AKT1S1: variants seen among roughly 807,000 people sequenced by gnomAD.
AKT1S1 encodes the protein proline-rich AKT1 substrate 1.
In AKT1S1, 17 loss-of-function variants were observed where a neutral mutation model predicts 21.2. The ratio of observed to expected loss-of-function variants is 0.80; its 90% CI spans 0.55 to 1.20. The LOEUF (loss-of-function observed/expected upper bound fraction) is 1.20. AKT1S1 is among the 50% of genes most tolerant of loss of function. AKT1S1 has a pLI of 0.00. For missense variants in AKT1S1, 366 were observed against 368.3 expected, an observed-to-expected ratio of 0.99 and a Z score of 0.05; for synonymous variants, 181 against 165.6, an observed-to-expected ratio of 1.09 and a Z score of -0.72.
intron 1 of AKT1S1, 51 bp downstream of exon 1, chr19:49,877,186 C>G (rs1424464146): frequency 9.9e-5 from 16 of 161,498 alleles, no homozygotes; most frequent in Non-Finnish European, 1.9e-4. Context: ...ACGGCTTCAT[C>G]CCGTTATCCT....
At chr19:49,878,014 T>C, upstream of AKT1S1, 1 of 822,546 alleles carries the variant, frequency 1.2e-6, no homozygotes, top group Non-Finnish European at 1.9e-6. Context: ...CTCCCCGCCT[T>C]GGTCCCGGGG....
upstream of AKT1S1, chr19:49,877,972 C>T: frequency 1.4e-6 from 1 of 720,946 alleles, no homozygotes; most frequent in Non-Finnish European, 2.2e-6. Context: ...CTGTGGAACG[C>T]ACGTCAGCAT....
At chr19:49,878,061 C>T (rs2074974072), upstream of AKT1S1, 1 of 1,175,336 alleles carries the variant, frequency 8.5e-7, no homozygotes, top group Non-Finnish European at 1.2e-6. Flanking sequence ...GAGGGTGGCT[C>T]CTCCCTGGGC....
chr19:49,876,047 G>A (rs879769965), intron 1 of AKT1S1: 6 of 985,508 alleles, frequency 6.1e-6, no homozygotes, highest in Non-Finnish European at 6.0e-6. Context: ...GCAGGGAGGA[G>A]GGAAAAGAGC....
At chr19:49,878,239 A>G (rs756086406), upstream of AKT1S1, 9 of 1,557,128 alleles carry the variant, frequency 5.8e-6, no homozygotes, top group African/African-American at 4.1e-5. Flanking sequence ...TGTCGTGGAA[A>G]AGGTGCGCTG....
chr19:49,877,801 G>T (rs115654659), upstream of AKT1S1: 3,876 of 1,548,354 alleles, frequency 2.5e-3, 82 homozygotes, highest in African/African-American at 0.044. Context: ...CCCGTCTAGT[G>T]ATCAGCTCTT....
At position 49,870,001 on chromosome 19, in the gene AKT1S1, C is replaced by T. The variant is rs1343861233; in HGVS notation, c.687G>A (p.Glu229=). The T allele has an allele frequency of 1.3e-6, 2 of 1,548,162 alleles. No individual in the cohort carries two copies. The highest frequency in any genetic ancestry group is 3.8e-5 in the Admixed American group (2 of 53,118). The part of the protein sequence containing the change: ...AASMRALVLR[E]AEDTQVFGDL... ...CCCCGAAGACCTGGGTGTCCTCGGC[C>T]TCTCGCAGCACCAGCGCGCGCATGC... Residue 229 remains glutamate (E), a synonymous_variant, in exon 5 of 5, where the codon GAG becomes GAA. Coordinates refer to ENST00000344175, the MANE Select transcript of AKT1S1 (RefSeq NM_001098633.4).
chr19:49,871,399 C>T (rs1025201552), intron 4 of AKT1S1, 148 bp downstream of exon 4: 8 of 1,071,022 alleles, frequency 7.5e-6, no homozygotes, highest in African/African-American at 3.1e-5. Flanking sequence ...CTGCAAGGCT[C>T]GTGTCCAAGA....
At chr19:49,878,310 C>T (rs2074978445), upstream of AKT1S1, 2 of 1,450,200 alleles carry the variant, frequency 1.4e-6, no homozygotes, top group Admixed American at 2.0e-5. Context: ...ATGCAGGCGG[C>T]AGCTGTAGGA....
chr19:49,876,199 C>T (rs2074941462), intron 1 of AKT1S1: 5 of 1,022,008 alleles, frequency 4.9e-6, no homozygotes, highest in Non-Finnish European at 5.9e-6. Context: ...ACCTCCCAAC[C>T]TCGCCCGGGG....
intron 1 of AKT1S1, among the ~76,000 whole-genome samples, chr19:49,875,629 C>T (rs181356842): frequency 1.3e-5 from 2 of 152,280 alleles, no homozygotes; most frequent in Non-Finnish European, 2.9e-5. Flanking sequence ...TAATGACATG[C>T]GGAGAAGAGG....
Position 49,871,598 on chromosome 19 carries a change from GC to G in AKT1S1, c.575del (p.Gly192AlafsTer61). Reference sequence around the variant, plus strand: ...GCGCCTCTGTCCTCTTCTCCTTGAAGCCCCAGACGGGCACAGACACAGGCAG... The same window carrying G: ...GCGCCTCTGTCCTCTTCTCCTTGAAGCCCAGACGGGCACAGACACAGGCAG... ...KSLPVSVPVW[G>X]FKEKRTEARS... On this transcript the variant is annotated frameshift_variant, in exon 4 of 5. Coordinates refer to ENST00000344175, the MANE Select transcript of AKT1S1 (RefSeq NM_001098633.4). LOFTEE classifies it high-confidence loss of function. 1 of 1,614,046 alleles carries G rather than the reference GC, an allele frequency of 6.2e-7. No individual in the cohort carries two copies.
upstream of AKT1S1, chr19:49,877,818 G>T: frequency 6.6e-7 from 1 of 1,507,146 alleles, no homozygotes; most frequent in East Asian, 2.4e-5. Flanking sequence ...TCTTCTCTCA[G>T]GCCTTGGCTC....
Position 49,873,052 on chromosome 19 carries a change from G to C in AKT1S1, c.244C>G (p.Pro82Ala). ...ATAARPPAPP[P>A]APQPPSPTPS... is the part of the protein sequence containing the mutation. ...GTGGGACTGGGTGGCTGTGGTGCTG[G>C]TGGGGGCGCAGGAGGCCGAGCAGCA... Residue 82 changes from proline (P) to alanine (A), a missense_variant, in exon 2 of 5, where the codon CCA becomes GCA. Physicochemically the swap from Pro to Ala is conservative, Grantham distance 27. Coordinates refer to ENST00000344175, the MANE Select transcript of AKT1S1 (RefSeq NM_001098633.4). The surrounding 1 kb of genome is among the most constrained non-coding windows in gnomAD (Gnocchi z 6.9). The C allele has an allele frequency of 6.4e-7, 1 of 1,558,570 alleles. No homozygotes were observed. The highest frequency in any genetic ancestry group is 8.7e-7 in the Non-Finnish European group (1 of 1,152,490).
rs1184300805 is a variant in AKT1S1, at chr19:49,871,898, G to T, written c.380-9C>A. The T allele has an allele frequency of 6.2e-7, 1 of 1,613,304 alleles. No individual in the cohort carries two copies. The highest frequency in any genetic ancestry group is 8.5e-7 in the Non-Finnish European group (1 of 1,179,752). ...ATCCATCACAAAGAGCCCTGTGGATGACCTGAGTTAGAGGCCCAGGCCAGG... is the reference window on the plus strand; with the variant it reads ...ATCCATCACAAAGAGCCCTGTGGATTACCTGAGTTAGAGGCCCAGGCCAGG... On this transcript the variant is annotated splice_polypyrimidine_tract_variant and intron_variant, in intron 2 of 4. Transcript: ENST00000344175.
chr19:49,877,943 A>T (rs951711811), upstream of AKT1S1: 13 of 610,258 alleles, frequency 2.1e-5, 1 homozygote, highest in Admixed American at 3.3e-4. Flanking sequence ...GGCTCAGGCG[A>T]CTCCTTGAGC....
chr19:49,870,353 C>T (rs1600428865), intron 4 of AKT1S1, among the ~76,000 whole-genome samples: 2 of 152,330 alleles, frequency 1.3e-5, no homozygotes, highest in East Asian at 3.9e-4. Flanking sequence ...GCCTGCTAGC[C>T]ATTAAGGCTG....
In AKT1S1 at chr19:49,873,214, G is replaced by A; in HGVS notation, c.82C>T (p.Leu28=). The A allele has an allele frequency of 6.5e-7, 1 of 1,534,996 alleles. No individual in the cohort carries two copies. The highest frequency in any genetic ancestry group is 2.5e-5 in the East Asian group (1 of 40,246). Residue 28 remains leucine, a synonymous_variant, in exon 2 of 5, where the codon CTG becomes TTG. Coordinates refer to ENST00000344175, the MANE Select transcript of AKT1S1 (RefSeq NM_001098633.4). This position sits in a 1 kb window ranked among gnomAD's most constrained non-coding sequence, Gnocchi z 6.9. ...GGCGGGGCCGCGGTCAGCAGCACCA[G>A]CTCCGTGCCAGTCCGGGCCCGGAAG... is the stretch of plus-strand genomic sequence containing the variant. ...ERFRARTGTE[L]VLLTAAPPPP...
upstream of AKT1S1, chr19:49,878,306 G>T: frequency 6.8e-7 from 1 of 1,470,370 alleles, no homozygotes; most frequent in Non-Finnish European, 9.3e-7. Flanking sequence ...TGGGATGCAG[G>T]CGGCAGCTGT....
Sources: allele counts gnomAD v4.1 joint callset (sites outside exome capture counted in the v4.1 genomes callset), GRCh38; gene constraint gnomAD v4.1.1; non-coding constraint Gnocchi (gnomAD v3.1); transcripts MANE v1.5; gene names NCBI Gene and HGNC (gene_info 2026-07-23, HGNC 2026-07-21).